Variants in SEMA6D observed in about 807,000 individuals in gnomAD.
The protein encoded by SEMA6D is semaphorin 6D.
SEMA6D carries 35 observed loss-of-function variants against 106.6 expected under a neutral mutation model. That is an observed-to-expected ratio of 0.33 (90% CI 0.25 to 0.44). The LOEUF is 0.44. SEMA6D is among the 20% of genes least tolerant of loss of function. SEMA6D has a pLI of 1.00. For synonymous variants in SEMA6D, 499 were observed against 487.7 expected (o/e 1.02, Z -0.31); for missense variants, 1,185 against 1,345.9 (o/e 0.88, Z 1.87).
Position 47,459,757 on chromosome 15 carries a change from G to T in SEMA6D, c.-158-10717G>T, listed in dbSNP as rs1230558319. Among the ~76,000 whole-genome samples the T allele has an allele frequency of 3.9e-5, 6 of 152,004 alleles. No homozygotes were observed. The South Asian group carries it at 6.2e-4, about 16-fold the overall frequency. On this transcript the variant is annotated intron_variant, in intron 2 of 19. Coordinates refer to the SEMA6D transcript ENST00000558014. The stretch of plus-strand genomic sequence containing the variant: ...ACTTAAACCAATATTAAATTCTTAA[G>T]AATTTCTGGTGGAGAGTCTATTAAA...
intron 3 of SEMA6D, among the ~76,000 whole-genome samples, chr15:47,503,689 T>TCA (rs142397320): frequency 0.34 from 51,137 of 148,446 alleles, 8,580 homozygotes; most frequent in East Asian, 0.49. Flanking sequence ...TCTCTCTCTG[T>TCA]CACACACACA....
At chr15:47,729,757 C>T (rs901443841) in intron 1 of SEMA6D, among the ~76,000 whole-genome samples, 6 of 152,226 alleles carry the variant, frequency 3.9e-5, no homozygotes, top group Non-Finnish European at 8.8e-5. Flanking sequence ...CTCTCCCGCT[C>T]TTCTCTTCAC....
At position 47,745,271 on chromosome 15, in the gene SEMA6D, A is replaced by G. The variant is rs540168444; in HGVS notation, c.-54-14474A>G. 3.3e-4 allele frequency among the ~76,000 whole-genome samples: 51 copies of G among 152,336 alleles called. 1 individual carries two copies. The South Asian group carries it at 8.7e-3, about 26-fold the overall frequency. On this transcript the variant is annotated intron_variant, in intron 1 of 18. Transcript: ENST00000536845. The stretch of plus-strand genomic sequence containing the variant: ...ACCATGTGCCAGGATCTCTGGTTCA[A>G]GAACTCCTTCCGTCCTCAGCAACTC...
intron 1 of SEMA6D, among the ~76,000 whole-genome samples, chr15:47,186,661 A>G (rs1298121574): frequency 2.6e-5 from 4 of 152,170 alleles, no homozygotes; most frequent in Non-Finnish European, 4.4e-5. Context: ...ACCATGTCCA[A>G]CTTAGTACAG....
At chr15:47,261,693 T>G (rs570440536) in intron 1 of SEMA6D, among the ~76,000 whole-genome samples, 10 of 152,286 alleles carry the variant, frequency 6.6e-5, no homozygotes, top group Admixed American at 5.9e-4. Flanking sequence ...CCTCCCCAGT[T>G]CTAAGAAACT....
intron 3 of SEMA6D, among the ~76,000 whole-genome samples, chr15:47,523,631 G>A (rs942761979): frequency 1.3e-5 from 2 of 152,164 alleles, no homozygotes; most frequent in African/African-American, 4.8e-5. Flanking sequence ...CTCCTAGAAG[G>A]TAGATAAAGA....
chr15:47,403,432 T>G (rs1250918832), intron 1 of SEMA6D, among the ~76,000 whole-genome samples: 1 of 152,164 alleles, frequency 6.6e-6, no homozygotes, highest in African/African-American at 2.4e-5. Context: ...TCAGTTCAAT[T>G]TAGTGCGGGT....
At chr15:47,553,205 A>G (rs2045816032) in intron 3 of SEMA6D, among the ~76,000 whole-genome samples, 2 of 151,812 alleles carry the variant, frequency 1.3e-5, no homozygotes, top group Non-Finnish European at 2.9e-5. Context: ...CGCCCAGCCA[A>G]CCTGTTTCAA....
At chr15:47,217,876 C>CACAT (rs1044735445) in intron 1 of SEMA6D, among the ~76,000 whole-genome samples, 2 of 129,428 alleles carry the variant, frequency 1.5e-5, no homozygotes, top group African/African-American at 6.1e-5. Context: ...TACACACATA[C>CACAT]ACACACACAC....
At chr15:47,225,394 C>A (rs1383987331) in intron 1 of SEMA6D, among the ~76,000 whole-genome samples, 1 of 151,656 alleles carries the variant, frequency 6.6e-6, no homozygotes, top group African/African-American at 2.4e-5. Context: ...ATTTATGTTC[C>A]CTGATGATAC....
intron 3 of SEMA6D, among the ~76,000 whole-genome samples, chr15:47,565,446 G>A (rs1051074986): frequency 7.2e-5 from 11 of 152,204 alleles, no homozygotes; most frequent in Non-Finnish European, 1.3e-4. Context: ...CTCCCGTGAG[G>A]AGTTGAGAGC....
intron 4 of SEMA6D, among the ~76,000 whole-genome samples, chr15:47,646,190 C>T (rs574024740): frequency 6.6e-6 from 1 of 152,216 alleles, no homozygotes; most frequent in East Asian, 1.9e-4. Context: ...TGGTGACCAG[C>T]CCCCATCCTG....
intron 13 of SEMA6D, 106 bp downstream of exon 13, chr15:47,765,162 A>C: frequency 6.7e-7 from 1 of 1,490,786 alleles, no homozygotes; most frequent in African/African-American, 1.4e-5. Context: ...GTGGTTTGGC[A>C]TAATAGTGTT....
chr15:47,443,503 T>A (rs1270223970), intron 2 of SEMA6D, among the ~76,000 whole-genome samples: 1 of 152,078 alleles, frequency 6.6e-6, no homozygotes, highest in African/African-American at 2.4e-5. Flanking sequence ...CTCCCAGATG[T>A]TCTCACACCT....
chr15:47,210,121 A>G (rs970125625), intron 1 of SEMA6D, among the ~76,000 whole-genome samples: 30 of 152,338 alleles, frequency 2.0e-4, no homozygotes, highest in Non-Finnish European at 3.7e-4. Context: ...TTTTAAAAAT[A>G]TGTTTAACTG....
At chr15:47,428,103 A>C (rs1390932293) in intron 2 of SEMA6D, among the ~76,000 whole-genome samples, 2 of 152,122 alleles carry the variant, frequency 1.3e-5, no homozygotes, top group Non-Finnish European at 2.9e-5. Context: ...AAGAGAGAAG[A>C]AGCTGAACAT....
At chr15:47,761,521 G>C in intron 6 of SEMA6D, 90 bp downstream of exon 6, 1 of 1,306,910 alleles carries the variant, frequency 7.7e-7, no homozygotes, top group East Asian at 2.4e-5. Context: ...CTGCTTTCCA[G>C]TAATTTGTTT....
At chr15:47,383,014 C>A (rs2039697583) in intron 1 of SEMA6D, among the ~76,000 whole-genome samples, 1 of 152,218 alleles carries the variant, frequency 6.6e-6, no homozygotes, top group Non-Finnish European at 1.5e-5. Context: ...AATCCGCCCC[C>A]CTTGGCCTCC....
intron 4 of SEMA6D, among the ~76,000 whole-genome samples, chr15:47,685,303 C>T (rs1412934955): frequency 1.3e-5 from 2 of 152,210 alleles, no homozygotes; most frequent in Non-Finnish European, 2.9e-5. Flanking sequence ...TTCACACTGA[C>T]ACTTTGCTGA....
Sources: gnomAD v4.1 joint callset for allele counts (sites outside exome capture counted in the v4.1 genomes callset) on GRCh38, gnomAD v4.1.1 for gene constraint, MANE v1.5 for transcripts, NCBI Gene and HGNC (gene_info 2026-07-23, HGNC 2026-07-21) for gene names.